The following FAM78B variants were observed in gnomAD, a reference collection of about 807,000 sequenced individuals.
FAM78B encodes protein FAM78B.
In FAM78B, 10 loss-of-function variants were observed where a neutral mutation model predicts 20.0. The ratio of observed to expected loss-of-function variants is 0.50; its 90% CI spans 0.31 to 0.85. FAM78B has a LOEUF of 0.85. FAM78B is among the 40% of genes least tolerant of loss of function. The pLI, the probability that FAM78B is intolerant of heterozygous loss-of-function variation, is 0.05. For missense variants in FAM78B, 283 were observed against 345.0 expected (o/e 0.82, Z 1.42); for synonymous variants, 135 against 132.8 (o/e 1.02, Z -0.12).
intron 1 of FAM78B, among the ~76,000 whole-genome samples, chr1:166,123,766 G>A (rs1571184144): frequency 6.6e-6 from 1 of 152,170 alleles, no homozygotes; most frequent in African/African-American, 2.4e-5. Flanking sequence ...AGGAAGAGGT[G>A]TTTAGAGACC....
At chr1:166,121,045 C>G (rs1654449361) in intron 1 of FAM78B, among the ~76,000 whole-genome samples, 1 of 152,220 alleles carries the variant, frequency 6.6e-6, no homozygotes, top group African/African-American at 2.4e-5. Flanking sequence ...ATTATTGTCA[C>G]CAGGTGCACT....
chr1:166,057,169 C>T (rs1021198498), downstream of FAM78B, among the ~76,000 whole-genome samples: 5 of 152,180 alleles, frequency 3.3e-5, no homozygotes. Context: ...AAGCCCAAAG[C>T]GTGTCATTAG....
At chr1:166,157,373 T>G (rs1655949824) in intron 1 of FAM78B, among the ~76,000 whole-genome samples, 1 of 151,080 alleles carries the variant, frequency 6.6e-6, no homozygotes, top group Non-Finnish European at 1.5e-5. Flanking sequence ...TACTGTCCAT[T>G]TATGTACAGG....
chr1:166,090,899 C>A (rs539736268), intron 1 of FAM78B, among the ~76,000 whole-genome samples: 70 of 152,304 alleles, frequency 4.6e-4, no homozygotes, highest in African/African-American at 1.3e-3. Context: ...TGGCACTTCA[C>A]ATGCACCAAC....
intron 1 of FAM78B, among the ~76,000 whole-genome samples, chr1:166,103,438 A>G (rs1055751314): frequency 9.2e-5 from 14 of 152,232 alleles, no homozygotes; most frequent in African/African-American, 3.4e-4. Context: ...AAAGATCAAC[A>G]AAATTAATAG....
exon 3 of FAM78B, chr1:166,058,397 C>G (rs1651434990): frequency 6.6e-6 from 1 of 151,982 alleles, no homozygotes; most frequent in East Asian, 1.9e-4. Flanking sequence ...GGCTGGGCAG[C>G]TGAGGGGAGT....
chr1:166,131,840 G>A (rs190292430), intron 1 of FAM78B, among the ~76,000 whole-genome samples: 1 of 152,230 alleles, frequency 6.6e-6, no homozygotes, highest in Non-Finnish European at 1.5e-5. Context: ...CTGTCTAGGG[G>A]TGGGAGATGG....
At chr1:166,073,546 T>C (rs1203386173) in intron 1 of FAM78B, among the ~76,000 whole-genome samples, 4 of 151,910 alleles carry the variant, frequency 2.6e-5, no homozygotes, top group African/African-American at 4.8e-5. Flanking sequence ...CTTTTTTTTT[T>C]TTTTTCCAAA....
intron 1 of FAM78B, among the ~76,000 whole-genome samples, chr1:166,098,357 C>T (rs1653370000): frequency 6.6e-6 from 1 of 152,092 alleles, no homozygotes; most frequent in Non-Finnish European, 1.5e-5. Flanking sequence ...CAAAATCACA[C>T]TAGTTCATCA....
At chr1:166,164,910 G>A (rs992763515) in intron 1 of FAM78B, 6 of 152,240 alleles carry the variant, frequency 3.9e-5, no homozygotes, top group Non-Finnish European at 7.3e-5. Flanking sequence ...TGTAACAGCA[G>A]GTAGAAGGCA....
In FAM78B at chr1:166,109,353, T is replaced by C. The variant is rs543360354; in HGVS notation, c.264-38590A>G. ...CCAATCAAAAAGTGGGCTAAGGACA[T>C]GAATAGAAAATTCTCAAAAGAGGAT... On this transcript the variant is annotated intron_variant, in intron 1 of 1. Coordinates refer to ENST00000354422, the MANE Select transcript of FAM78B (RefSeq NM_001017961.5). Among the ~76,000 whole-genome samples, 16 of 152,192 alleles carry C rather than the reference T, an allele frequency of 1.1e-4. No homozygotes were observed. In the South Asian group the frequency reaches 1.9e-3, roughly 18 times the overall value.
chr1:166,123,646 A>G (rs542792945), intron 1 of FAM78B, among the ~76,000 whole-genome samples: 1 of 152,314 alleles, frequency 6.6e-6, no homozygotes, highest in Admixed American at 6.5e-5. Context: ...ATAAACAATG[A>G]AAGGATTTAT....
At chr1:166,155,358 A>G (rs545585168) in intron 1 of FAM78B, among the ~76,000 whole-genome samples, 1 of 152,338 alleles carries the variant, frequency 6.6e-6, no homozygotes, top group Admixed American at 6.5e-5. Context: ...TGGGCATGTT[A>G]TCCGACCGCT....
intron 1 of FAM78B, among the ~76,000 whole-genome samples, chr1:166,123,073 G>A (rs139414289): frequency 1.3e-5 from 2 of 152,344 alleles, no homozygotes; most frequent in African/African-American, 2.4e-5. Context: ...CTCAGTGGCA[G>A]GGACAGCAGA....
chr1:166,113,171 G>C (rs1232604540), intron 1 of FAM78B, among the ~76,000 whole-genome samples: 1 of 152,164 alleles, frequency 6.6e-6, no homozygotes, highest in Non-Finnish European at 1.5e-5. Flanking sequence ...CTCTCAACAC[G>C]GCCTCTGGAC....
chr1:166,161,846 C>T (rs978690959), intron 1 of FAM78B, among the ~76,000 whole-genome samples: 2 of 152,110 alleles, frequency 1.3e-5, no homozygotes, highest in African/African-American at 2.4e-5. Flanking sequence ...GGTCTGGATA[C>T]CCTAAGCTTG....
At chr1:166,158,847 C>T (rs1656024404) in intron 1 of FAM78B, among the ~76,000 whole-genome samples, 1 of 152,240 alleles carries the variant, frequency 6.6e-6, no homozygotes, top group South Asian at 2.1e-4. Context: ...CACGAGGACT[C>T]TGCTTCTTTG....
intron 1 of FAM78B, among the ~76,000 whole-genome samples, chr1:166,132,357 G>A (rs980804530): frequency 7.9e-5 from 12 of 152,108 alleles, no homozygotes; most frequent in Admixed American, 7.9e-4. Context: ...TCTAGCTTGC[G>A]ATTTAACGGT....
chr1:166,079,801 A>G (rs1652493545), intron 1 of FAM78B, among the ~76,000 whole-genome samples: 1 of 152,306 alleles, frequency 6.6e-6, no homozygotes, highest in Non-Finnish European at 1.5e-5. Flanking sequence ...ATACTGAGAA[A>G]TATGGCACCC....
Sources: gnomAD v4.1 joint callset for allele counts (sites outside exome capture counted in the v4.1 genomes callset) on GRCh38, gnomAD v4.1.1 for gene constraint, MANE v1.5 for transcripts, NCBI Gene and HGNC (gene_info 2026-07-23, HGNC 2026-07-21) for gene names.